The following DLG2 variants were observed in gnomAD, a reference collection of about 807,000 sequenced individuals.
DLG2 encodes discs large MAGUK scaffold protein 2.
DLG2 carries 45 observed loss-of-function variants against 132.5 expected under a neutral mutation model. The observed-to-expected ratio is 0.34, with a 90% CI of 0.27 to 0.44. DLG2 has a LOEUF of 0.44. DLG2 is among the 20% of genes least tolerant of loss of function. The probability of loss-of-function intolerance (pLI) is 1.00; values close to 1 mark genes in which losing one functional copy is unlikely to be tolerated. For synonymous variants in DLG2, 424 were observed against 419.6 expected (o/e 1.01, Z -0.13); for missense variants, 1,045 against 1,196.9 (o/e 0.87, Z 1.87).
At chr11:84,447,038 G>T (rs1431947837) in intron 7 of DLG2, among the ~76,000 whole-genome samples, 2 of 152,166 alleles carry the variant, frequency 1.3e-5, no homozygotes, top group Non-Finnish European at 2.9e-5. Flanking sequence ...GTAACAACAT[G>T]TATAAGATTT....
chr11:85,386,540 T>C (rs2086340079), intron 3 of DLG2, among the ~76,000 whole-genome samples: 1 of 152,146 alleles, frequency 6.6e-6, no homozygotes. Context: ...CTAAATAAGA[T>C]AATATATGTA....
intron 8 of DLG2, among the ~76,000 whole-genome samples, chr11:84,215,762 G>A (rs1177940547): frequency 1.3e-5 from 2 of 152,050 alleles, no homozygotes; most frequent in Admixed American, 1.3e-4. Context: ...ACTCTGAGAT[G>A]AAAAGATAAA....
intron 7 of DLG2, among the ~76,000 whole-genome samples, chr11:84,264,217 C>T (rs2097583781): frequency 6.6e-6 from 1 of 152,156 alleles, no homozygotes; most frequent in South Asian, 2.1e-4. Context: ...TTGTCATCAA[C>T]TAGGCAATGA....
At chr11:84,041,841 G>A (rs1241276460) in intron 11 of DLG2, among the ~76,000 whole-genome samples, 1 of 151,828 alleles carries the variant, frequency 6.6e-6, no homozygotes, top group Non-Finnish European at 1.5e-5. Flanking sequence ...GGAAACTGGT[G>A]GGCGGTGATT....
Position 85,437,323 on chromosome 11 carries a change from C to A in DLG2, c.41-151958G>T, listed in dbSNP as rs79418118. 8.1e-3 allele frequency among the ~76,000 whole-genome samples: 1,162 copies of A among 143,926 alleles called. 11 individuals carry two copies. Among genetic ancestry groups the A allele is most frequent in the African/African-American group, 0.025 (984 of 38,936 alleles). 94.4% of individuals were successfully genotyped at this position (143,926 alleles called of 152,430 possible). Reference sequence around the variant, plus strand: ...CTGGAACTTAAAGTAAAAAAAAAAACAAAAAAAAAGAGAAGAAACAATGAT... The same window carrying A: ...CTGGAACTTAAAGTAAAAAAAAAAAAAAAAAAAAAGAGAAGAAACAATGAT... On this transcript the variant is annotated intron_variant, in intron 3 of 27. Transcript: ENST00000376104.
intron 2 of DLG2, among the ~76,000 whole-genome samples, chr11:85,613,935 C>G (rs1294508745): frequency 6.6e-6 from 1 of 152,112 alleles, no homozygotes; most frequent in African/African-American, 2.4e-5. Context: ...ACAAACCCAC[C>G]AGGAGGAATG....
At chr11:83,497,372 G>A (rs111265383) in intron 21 of DLG2, among the ~76,000 whole-genome samples, 9 of 151,896 alleles carry the variant, frequency 5.9e-5, no homozygotes, top group East Asian at 1.9e-4. Context: ...GCAAAACCCC[G>A]AAAAATACAA....
chr11:83,949,662 C>T (rs1269724905), intron 14 of DLG2, among the ~76,000 whole-genome samples: 4 of 152,098 alleles, frequency 2.6e-5, no homozygotes, highest in Non-Finnish European at 5.9e-5. Flanking sequence ...TAACTATAGT[C>T]ACCATGCTGT....
chr11:83,974,714 T>C, intron 12 of DLG2, among the ~76,000 whole-genome samples: 1 of 152,066 alleles, frequency 6.6e-6, no homozygotes, highest in East Asian at 1.9e-4. Context: ...TCTAATATAA[T>C]GCTACTATGG....
intron 8 of DLG2, among the ~76,000 whole-genome samples, chr11:84,173,323 A>G (rs2095865596): frequency 6.6e-6 from 1 of 152,152 alleles, no homozygotes; most frequent in African/African-American, 2.4e-5. Flanking sequence ...TAAATATTTC[A>G]TGAGTTTGTA....
chr11:84,577,143 T>C (rs1377519681), intron 6 of DLG2, among the ~76,000 whole-genome samples: 1 of 152,226 alleles, frequency 6.6e-6, no homozygotes, highest in Non-Finnish European at 1.5e-5. Context: ...CCCGCCATGA[T>C]TCTGAGGACT....
intron 7 of DLG2, among the ~76,000 whole-genome samples, chr11:84,292,184 G>A (rs1205494510): frequency 3.9e-5 from 6 of 152,142 alleles, no homozygotes; most frequent in South Asian, 2.1e-4. Flanking sequence ...TTGCAGAGGC[G>A]GCAGGAATTT....
chr11:83,675,964 G>A (rs1324269607), intron 18 of DLG2, among the ~76,000 whole-genome samples: 1 of 152,116 alleles, frequency 6.6e-6, no homozygotes, highest in Non-Finnish European at 1.5e-5. Flanking sequence ...TGTACATTAT[G>A]TATTGTACAT....
intron 2 of DLG2, among the ~76,000 whole-genome samples, chr11:85,621,836 A>G (rs1186250784): frequency 6.6e-6 from 1 of 152,258 alleles, no homozygotes; most frequent in East Asian, 1.9e-4. Context: ...TTAGAATATT[A>G]CATACACTTA....
At chr11:85,317,028 A>G (rs1343081542) in intron 3 of DLG2, among the ~76,000 whole-genome samples, 1 of 151,996 alleles carries the variant, frequency 6.6e-6, no homozygotes. Context: ...CCTTGTTCCC[A>G]GTTTTGATCC....
At chr11:85,132,910 C>T in intron 5 of DLG2, 1 of 443,316 alleles carries the variant, frequency 2.3e-6, no homozygotes, top group South Asian at 1.6e-5. Context: ...GGATTCTGTA[C>T]AGACGGCTTT....
intron 6 of DLG2, among the ~76,000 whole-genome samples, chr11:84,674,881 C>T (rs1313632820): frequency 6.6e-6 from 1 of 152,252 alleles, no homozygotes. Context: ...ACTTCAGCCT[C>T]CATCTCACCA....
chr11:83,899,346 T>C (rs1334173111), intron 15 of DLG2, among the ~76,000 whole-genome samples: 1 of 152,198 alleles, frequency 6.6e-6, no homozygotes, highest in Non-Finnish European at 1.5e-5. Context: ...AGCTCAGTCA[T>C]GTAGGATTTA....
intron 18 of DLG2, among the ~76,000 whole-genome samples, chr11:83,654,455 G>T (rs1051095424): frequency 6.6e-6 from 1 of 152,012 alleles, no homozygotes; most frequent in African/African-American, 2.4e-5. Flanking sequence ...TTACAATGAT[G>T]GTTCTTCTGT....
Sources: allele counts gnomAD v4.1 joint callset (sites outside exome capture counted in the v4.1 genomes callset), GRCh38; gene constraint gnomAD v4.1.1; transcripts MANE v1.5; gene names NCBI Gene and HGNC (gene_info 2026-07-23, HGNC 2026-07-21).